Variants in MGMT observed in about 807,000 individuals in gnomAD.
MGMT encodes the protein methylated-DNA--protein-cysteine methyltransferase.
A neutral mutation model predicts 15.9 loss-of-function variants in MGMT; 14 were observed. The observed-to-expected ratio is 0.88, with a 90% CI of 0.58 to 1.37. The LOEUF (loss-of-function observed/expected upper bound fraction) is 1.37, where lower values mean the gene tolerates loss of function less well. Ranked by LOEUF, MGMT falls within the 40% of genes most tolerant of loss-of-function variation. MGMT has a pLI of 0.00. For synonymous variants in MGMT, 130 were observed against 118.2 expected (o/e 1.10, Z -0.65); for missense variants, 282 against 268.1 (o/e 1.05, Z -0.36).
chr10:129,745,890 T>G (rs924735388), intron 3 of MGMT, among the ~76,000 whole-genome samples: 2 of 152,308 alleles, frequency 1.3e-5, no homozygotes, highest in African/African-American at 4.8e-5. Flanking sequence ...GTTGGATTTC[T>G]TATTTCCAAA....
intron 1 of MGMT, among the ~76,000 whole-genome samples, chr10:129,523,380 G>T (rs1337192189): frequency 6.7e-6 from 1 of 150,178 alleles, no homozygotes; most frequent in Non-Finnish European, 1.5e-5. Context: ...GGAAAACATG[G>T]TGTTCTCTCA....
At chr10:129,606,775 A>G (rs1373836006) in intron 2 of MGMT, among the ~76,000 whole-genome samples, 2 of 152,232 alleles carry the variant, frequency 1.3e-5, no homozygotes, top group Non-Finnish European at 2.9e-5. Context: ...AGCAATTTAA[A>G]GTGATATTAA....
chr10:129,635,547 G>C (rs1847255897), intron 2 of MGMT, among the ~76,000 whole-genome samples: 1 of 152,198 alleles, frequency 6.6e-6, no homozygotes, highest in Admixed American at 6.5e-5. Flanking sequence ...TGGTGAGAGG[G>C]TCAATCTTGT....
rs1845949404 is a variant in MGMT at position 129,533,029 on chromosome 10, G to GGGAGCAGGTCCCACGGAGGC, written c.-12-3211_-12-3192dup. 6.6e-6 allele frequency among the ~76,000 whole-genome samples: 1 copy of GGGAGCAGGTCCCACGGAGGC among 152,208 alleles called. No individual in the cohort carries two copies. The highest frequency in any genetic ancestry group is 1.5e-5 in the Non-Finnish European group (1 of 68,030). On this transcript the variant is annotated intron_variant, in intron 1 of 4. Coordinates refer to ENST00000651593, the MANE Select transcript of MGMT (RefSeq NM_002412.5). This position sits in a 1 kb window ranked among gnomAD's most constrained non-coding sequence, Gnocchi z 4.5. ...TGGGCTCCTGCCTGGGACTCGAATC[G>GGGAGCAGGTCCCACGGAGGC]GGAGCAGGTCCCACGGAGGCAGAGC...
At chr10:129,555,318 G>A (rs950061902) in intron 2 of MGMT, among the ~76,000 whole-genome samples, 1 of 152,184 alleles carries the variant, frequency 6.6e-6, no homozygotes, top group Non-Finnish European at 1.5e-5. Flanking sequence ...CTTCCGTGCC[G>A]TGCTGTCTGC....
In MGMT at chr10:129,566,069, G is replaced by T. The variant is rs1846351326; in HGVS notation, c.125+29692G>T. Among the ~76,000 whole-genome samples the T allele has an allele frequency of 6.6e-6, 1 of 152,180 alleles. No homozygotes were observed. The highest frequency in any genetic ancestry group is 2.4e-5 in the African/African-American group (1 of 41,444). On this transcript the variant is annotated intron_variant, in intron 2 of 4. Coordinates refer to ENST00000651593, the MANE Select transcript of MGMT (RefSeq NM_002412.5). This position sits in a 1 kb window ranked among gnomAD's most constrained non-coding sequence, Gnocchi z 4.1. ...CTCTGTTCCTTCTTCAGCTCCTCTG[G>T]TCATTCACACGTGGCCTGGCCACTT... is the stretch of plus-strand genomic sequence containing the variant.
In MGMT at chr10:129,731,544, C is replaced by T. The variant is rs992405996; in HGVS notation, c.274+23501C>T. On this transcript the variant is annotated intron_variant, in intron 3 of 4. Transcript: ENST00000651593. Reference sequence around the variant, plus strand: ...CAGTACAGCTGGGATTACAGGCACCCGCCACCACACCCGGCTGATTTTAGT... The same window carrying T: ...CAGTACAGCTGGGATTACAGGCACCTGCCACCACACCCGGCTGATTTTAGT... Among the ~76,000 whole-genome samples, 7 of 151,604 alleles carry T rather than the reference C, an allele frequency of 4.6e-5. No individual in the cohort carries two copies. In the East Asian group the frequency reaches 7.9e-4, roughly 17 times the overall value.
intron 2 of MGMT, among the ~76,000 whole-genome samples, chr10:129,619,229 T>C (rs1847063150): frequency 6.6e-6 from 1 of 152,182 alleles, no homozygotes; most frequent in Non-Finnish European, 1.5e-5. Context: ...GTTTCTGTCT[T>C]TTATTCTGAT....
chr10:129,673,094 G>T (rs1407439085), intron 2 of MGMT, among the ~76,000 whole-genome samples: 2 of 152,094 alleles, frequency 1.3e-5, no homozygotes, highest in Admixed American at 1.3e-4. Context: ...CCAAGTTGAG[G>T]GTGCTCAAAG....
At chr10:129,502,326 G>A (rs1845582266) in intron 1 of MGMT, among the ~76,000 whole-genome samples, 1 of 152,158 alleles carries the variant, frequency 6.6e-6, no homozygotes, top group East Asian at 1.9e-4. Flanking sequence ...TTGCTGTAAG[G>A]AGTAAATGAG....
chr10:129,508,651 T>G (rs12249847), intron 1 of MGMT, among the ~76,000 whole-genome samples: 10,349 of 152,022 alleles, frequency 0.068, 1,180 homozygotes, highest in African/African-American at 0.24. Flanking sequence ...GTTCAAGTGA[T>G]TCTCCTGCCT....
At chr10:129,560,463 A>C (rs1249927230) in intron 2 of MGMT, among the ~76,000 whole-genome samples, 1 of 152,210 alleles carries the variant, frequency 6.6e-6, no homozygotes, top group African/African-American at 2.4e-5. Flanking sequence ...GATATTGGTA[A>C]GGTTTCTTTA....
intron 1 of MGMT, among the ~76,000 whole-genome samples, chr10:129,474,107 A>G (rs1845262869): frequency 6.6e-6 from 1 of 152,172 alleles, no homozygotes; most frequent in East Asian, 1.9e-4. Context: ...ACCTGGCCAT[A>G]GTTGAATTTG....
At chr10:129,731,649 C>T (rs561978947) in intron 3 of MGMT, among the ~76,000 whole-genome samples, 1 of 152,208 alleles carries the variant, frequency 6.6e-6, no homozygotes, top group Non-Finnish European at 1.5e-5. Context: ...CTGCCTCGGC[C>T]TCCCAAAGTG....
At chr10:129,598,087 A>C (rs1360493381) in intron 2 of MGMT, among the ~76,000 whole-genome samples, 1 of 152,096 alleles carries the variant, frequency 6.6e-6, no homozygotes, top group African/African-American at 2.4e-5. Context: ...TTCAATGTTT[A>C]GTGTGTGCCA....
At chr10:129,503,443 A>G (rs1361679109) in intron 1 of MGMT, among the ~76,000 whole-genome samples, 1 of 152,270 alleles carries the variant, frequency 6.6e-6, no homozygotes, top group African/African-American at 2.4e-5. Context: ...CCAAAATACA[A>G]TAAAATTAAC....
At chr10:129,733,562 A>C (rs1848526788) in intron 3 of MGMT, among the ~76,000 whole-genome samples, 1 of 151,400 alleles carries the variant, frequency 6.6e-6, no homozygotes, top group Non-Finnish European at 1.5e-5. Flanking sequence ...TCTTTAGTTT[A>C]ATTAGATCCC....
rs1202202713 is a variant in MGMT, at chr10:129,487,994, CACATAGGTAT to C, written c.-13+20702_-13+20711del. ...ATACGCAGGTATACACACACACACACACATAGGTATACACACACACACACACACACACACA... is the reference window on the plus strand; with the variant it reads ...ATACGCAGGTATACACACACACACACACACACACACACACACACACACACA... On this transcript the variant is annotated intron_variant, in intron 1 of 4. Transcript: ENST00000651593. Among the ~76,000 whole-genome samples the C allele has an allele frequency of 5.1e-4, 64 of 125,038 alleles. 1 individual carries two copies. Among genetic ancestry groups the C allele is most frequent in the African/African-American group, 1.7e-3 (52 of 31,044 alleles). 82.0% of individuals were successfully genotyped at this position (125,038 alleles called of 152,430 possible). A position where few individuals can be genotyped will look rare whatever the true frequency, so the allele number is the denominator to read the frequency against.
At chr10:129,618,458 G>T (rs1264021467) in intron 2 of MGMT, among the ~76,000 whole-genome samples, 1 of 151,838 alleles carries the variant, frequency 6.6e-6, no homozygotes, top group Non-Finnish European at 1.5e-5. Flanking sequence ...AAATTTCGTT[G>T]TTTTTTCCAC....
Sources: gnomAD v4.1 joint callset for allele counts (sites outside exome capture counted in the v4.1 genomes callset) on GRCh38, gnomAD v4.1.1 for gene constraint, Gnocchi (gnomAD v3.1) non-coding constraint, MANE v1.5 for transcripts, NCBI Gene and HGNC (gene_info 2026-07-23, HGNC 2026-07-21) for gene names.